The following BCKDHA variants were observed in gnomAD, a reference collection of about 807,000 sequenced individuals.
BCKDHA encodes the protein branched chain keto acid dehydrogenase E1 subunit alpha.
In BCKDHA, 43 loss-of-function variants were observed where a neutral mutation model predicts 52.2. The observed-to-expected ratio is 0.82, with a 90% CI of 0.64 to 1.06. The LOEUF (loss-of-function observed/expected upper bound fraction) is 1.06. BCKDHA is among the 50% of genes least tolerant of loss of function. BCKDHA has a pLI of 0.00. For synonymous variants in BCKDHA, 234 were observed against 247.9 expected (o/e 0.94, Z 0.53); for missense variants, 527 against 621.3 (o/e 0.85, Z 1.61).
At chr19:41,409,375 CTTG>C (rs1327242510) in intron 1 of BCKDHA, among the ~76,000 whole-genome samples, 3 of 152,128 alleles carry the variant, frequency 2.0e-5, no homozygotes, top group Non-Finnish European at 4.4e-5. Flanking sequence ...ATCATTGTTA[CTTG>C]TTTAGTGTCT....
chr19:41,421,879 TC>T (rs1256557044), intron 5 of BCKDHA, among the ~76,000 whole-genome samples: 2 of 152,042 alleles, frequency 1.3e-5, no homozygotes, highest in Non-Finnish European at 2.9e-5. Flanking sequence ...GGGGTTAGGT[TC>T]TGAAGGTGGA....
intron 7 of BCKDHA, 91 bp from the exon 8 acceptor site, chr19:41,422,907 A>C (rs1418267035): frequency 6.4e-7 from 1 of 1,565,548 alleles, no homozygotes; most frequent in African/African-American, 1.4e-5. Context: ...TTCCGTTTCC[A>C]CTCCTCCTTC....
At position 41,424,743 on chromosome 19, in the gene BCKDHA, G is replaced by T; in HGVS notation, c.*135G>T. 9.9e-7 allele frequency: 1 copy of T among 1,009,960 alleles called. No individual in the cohort carries two copies. The highest frequency in any genetic ancestry group is 2.7e-5 in the East Asian group (1 of 37,632). 62.6% of individuals were successfully genotyped at this position (1,009,960 alleles called of 1,614,324 possible). On this transcript the variant is annotated 3_prime_UTR_variant, in exon 9 of 9. Coordinates refer to ENST00000269980, the MANE Select transcript of BCKDHA (RefSeq NM_000709.4). Reference sequence around the variant, plus strand: ...CTCTAAAATACTCAGCGGCCAGGGCGGCTGCCACTCTTCACCCCTGCTCCT... The same window carrying T: ...CTCTAAAATACTCAGCGGCCAGGGCTGCTGCCACTCTTCACCCCTGCTCCT...
chr19:41,420,247 G>A (rs1456445153), intron 5 of BCKDHA, among the ~76,000 whole-genome samples: 2 of 152,218 alleles, frequency 1.3e-5, no homozygotes, highest in African/African-American at 4.8e-5. Context: ...GTTCCACTGT[G>A]CCAATGCTTC....
At position 41,424,818 on chromosome 19, in the gene BCKDHA, T is replaced by G; in HGVS notation, c.*210T>G. 1 of 567,810 alleles carries G rather than the reference T, an allele frequency of 1.8e-6. No individual in the cohort carries two copies. Among genetic ancestry groups the G allele is most frequent in the Non-Finnish European group, 3.0e-6 (1 of 329,096 alleles). 35.2% of individuals were successfully genotyped at this position (567,810 alleles called of 1,614,324 possible). Reference sequence around the variant, plus strand: ...CAGCATCTGCAGCAGTTGCTGAGGCTCCGTCAGCCCCCTCTTCACCTGTTG... The same window carrying G: ...CAGCATCTGCAGCAGTTGCTGAGGCGCCGTCAGCCCCCTCTTCACCTGTTG... On this transcript the variant is annotated 3_prime_UTR_variant, in exon 9 of 9. Transcript: ENST00000269980.
intron 3 of BCKDHA, among the ~76,000 whole-genome samples, chr19:41,412,261 A>C: frequency 6.7e-6 from 1 of 149,918 alleles, no homozygotes; most frequent in Non-Finnish European, 1.5e-5. Flanking sequence ...TCCGTTTCTC[A>C]GTGAAGAGCA....
intron 1 of BCKDHA, among the ~76,000 whole-genome samples, chr19:41,404,691 T>A (rs2039174308): frequency 6.6e-6 from 1 of 151,884 alleles, no homozygotes. Flanking sequence ...CCTCCCAGGT[T>A]CAAGCGATTC....
chr19:41,421,231 G>T (rs751730339), intron 5 of BCKDHA, among the ~76,000 whole-genome samples: 1 of 152,184 alleles, frequency 6.6e-6, no homozygotes, highest in Non-Finnish European at 1.5e-5. Flanking sequence ...GCCATGTGCC[G>T]GTGCCACTCC....
chr19:41,422,243 T>C lies in BCKDHA; in HGVS notation c.726T>C (p.Ser242=), dbSNP rs750023394. 22 of 1,614,044 alleles carry C rather than the reference T, an allele frequency of 1.4e-5. No homozygotes were observed. In the Admixed American group the frequency reaches 2.8e-4, roughly 21 times the overall value. The part of the protein sequence containing the change: ...VICYFGEGAA[S]EGDAHAGFNF... The stretch of plus-strand genomic sequence containing the variant: ...GTTACTTCGGCGAGGGGGCAGCCAG[T>C]GAGGGGGACGCCCATGCCGGCTTCA... The change falls in exon 6 of 9, where the codon AGT becomes AGC. Residue 242 remains serine, a synonymous_variant. Transcript: ENST00000269980.
intron 5 of BCKDHA, 140 bp downstream of exon 5, chr19:41,419,436 C>A: frequency 1.8e-6 from 2 of 1,132,590 alleles, no homozygotes; most frequent in African/African-American, 1.6e-5. Flanking sequence ...CTCCAGACTT[C>A]TTCTTCTTAT....
At chr19:41,408,580 G>A (rs1365420443) in intron 1 of BCKDHA, among the ~76,000 whole-genome samples, 1 of 151,860 alleles carries the variant, frequency 6.6e-6, no homozygotes, top group Non-Finnish European at 1.5e-5. Context: ...CTGACCTGAG[G>A]AGGTGTGATG....
intron 3 of BCKDHA, among the ~76,000 whole-genome samples, chr19:41,413,084 A>C (rs919356621): frequency 2.0e-5 from 3 of 152,138 alleles, no homozygotes; most frequent in East Asian, 3.9e-4. Flanking sequence ...TCTCTGCTTC[A>C]CTGTTGTTGG....
chr19:41,404,430 C>CA (rs748119380), intron 1 of BCKDHA, among the ~76,000 whole-genome samples: 5 of 148,672 alleles, frequency 3.4e-5, no homozygotes, highest in Non-Finnish European at 6.0e-5. Context: ...GCTGGGACTA[C>CA]AGGCGCCCGC....
chr19:41,398,582 G>C (rs961343611), intron 1 of BCKDHA, among the ~76,000 whole-genome samples: 2 of 152,184 alleles, frequency 1.3e-5, no homozygotes, highest in African/African-American at 2.4e-5. Flanking sequence ...GGTACAGACA[G>C]GGCACTTTGC....
intron 1 of BCKDHA, among the ~76,000 whole-genome samples, chr19:41,406,828 C>T (rs1367343250): frequency 1.3e-5 from 2 of 152,182 alleles, no homozygotes; most frequent in East Asian, 3.9e-4. Flanking sequence ...CCTCGGACTC[C>T]CAAAGTGCTG....
intron 1 of BCKDHA, among the ~76,000 whole-genome samples, chr19:41,398,338 C>T (rs1435174545): frequency 6.6e-6 from 1 of 152,146 alleles, no homozygotes; most frequent in East Asian, 1.9e-4. Flanking sequence ...GCAAAGATCC[C>T]TCTTCAAGAA....
intron 5 of BCKDHA, among the ~76,000 whole-genome samples, chr19:41,421,107 G>C (rs184493283): frequency 1.3e-5 from 2 of 152,166 alleles, no homozygotes; most frequent in African/African-American, 2.4e-5. Context: ...CTCAGAGGAG[G>C]GGGCATTTAG....
At position 41,411,443 on chromosome 19, in the gene BCKDHA, A is replaced by C. The variant is rs10410801; in HGVS notation, c.375+434A>C. Reference sequence around the variant, plus strand: ...TCCAGTCAAGCCAGTGTCAACAAAGAGGGAAGTTATTGACTCCAATGACCA... The same window carrying C: ...TCCAGTCAAGCCAGTGTCAACAAAGCGGGAAGTTATTGACTCCAATGACCA... On this transcript the variant is annotated intron_variant, in intron 3 of 8. Transcript: ENST00000269980. 6.9e-3 allele frequency among the ~76,000 whole-genome samples: 1,045 copies of C among 152,246 alleles called. 17 individuals carry two copies. The highest frequency in any genetic ancestry group is 0.024 in the African/African-American group (1,001 of 41,542).
At chr19:41,416,621 T>C (rs1322828806) in intron 4 of BCKDHA, among the ~76,000 whole-genome samples, 1 of 150,802 alleles carries the variant, frequency 6.6e-6, no homozygotes, top group Non-Finnish European at 1.5e-5. Flanking sequence ...TGAAAAGGAG[T>C]GTTAAGAGGA....
Sources: gnomAD v4.1 joint callset for allele counts (sites outside exome capture counted in the v4.1 genomes callset) on GRCh38, gnomAD v4.1.1 for gene constraint, MANE v1.5 for transcripts, NCBI Gene and HGNC (gene_info 2026-07-23, HGNC 2026-07-21) for gene names.